Variants in GPC5 observed in about 807,000 individuals in gnomAD.
The protein encoded by GPC5 is glypican 5.
GPC5 carries 47 observed loss-of-function variants against 53.9 expected under a neutral mutation model. That is an observed-to-expected ratio of 0.87 (90% CI 0.69 to 1.11). The LOEUF is 1.11. Among genes scored for constraint, GPC5 ranks in the 50% most tolerant of loss-of-function variants. GPC5 has a pLI of 0.00. For missense variants in GPC5, 748 were observed against 713.1 expected (o/e 1.05, Z -0.56); for synonymous variants, 286 against 263.3 (o/e 1.09, Z -0.84).
At position 91,614,963 on chromosome 13, in the gene GPC5, A is replaced by T. The variant is rs1395887001; in HGVS notation, c.326-78224A>T. ...TGCAAATCCATCCTTCCATCTATTCATGTACTCAATGAGCCATCCATTCAT... is the reference window on the plus strand; with the variant it reads ...TGCAAATCCATCCTTCCATCTATTCTTGTACTCAATGAGCCATCCATTCAT... On this transcript the variant is annotated intron_variant, in intron 2 of 7. Coordinates refer to ENST00000377067, the MANE Select transcript of GPC5 (RefSeq NM_004466.6). Among the ~76,000 whole-genome samples, 3 of 152,122 alleles carry T rather than the reference A, an allele frequency of 2.0e-5. No individual in the cohort carries two copies. In the East Asian group the frequency reaches 5.8e-4, roughly 29 times the overall value.
At chr13:92,272,091 G>C (rs2042843633) in intron 7 of GPC5, among the ~76,000 whole-genome samples, 7 of 152,092 alleles carry the variant, frequency 4.6e-5, no homozygotes, top group Admixed American at 4.6e-4. Context: ...TGGCAGGGAT[G>C]GGCACCTGCA....
intron 7 of GPC5, among the ~76,000 whole-genome samples, chr13:92,312,436 G>A (rs2139211725): frequency 6.6e-6 from 1 of 152,156 alleles, no homozygotes; most frequent in African/African-American, 2.4e-5. Context: ...TCATAACAGT[G>A]GTTATGTCAA....
chr13:91,983,805 C>T (rs1037202988), intron 6 of GPC5, among the ~76,000 whole-genome samples: 3 of 152,164 alleles, frequency 2.0e-5, no homozygotes, highest in African/African-American at 7.2e-5. Flanking sequence ...ATTTCATATT[C>T]GTAATTGGAA....
chr13:92,076,463 T>A lies in GPC5; in HGVS notation c.1402-68367T>A, dbSNP rs560638045. Among the ~76,000 whole-genome samples, 195 of 152,316 alleles carry A rather than the reference T, an allele frequency of 1.3e-3. 1 individual carries two copies. Among genetic ancestry groups the A allele is most frequent in the African/African-American group, 4.4e-3 (181 of 41,566 alleles). On this transcript the variant is annotated intron_variant, in intron 6 of 7. Coordinates refer to ENST00000377067, the MANE Select transcript of GPC5 (RefSeq NM_004466.6). ...AATTTATTTTACATTAATTGCCAAA[T>A]ATCTGAATTCATGAGCCACAGGTTG... is the stretch of plus-strand genomic sequence containing the variant.
chr13:92,402,767 C>T (rs1438598062), intron 7 of GPC5, among the ~76,000 whole-genome samples: 1 of 152,192 alleles, frequency 6.6e-6, no homozygotes, highest in East Asian at 1.9e-4. Context: ...CTTGACAAAT[C>T]TGTAAGAATT....
chr13:91,954,760 T>C (rs930241211), intron 6 of GPC5, among the ~76,000 whole-genome samples: 1 of 151,944 alleles, frequency 6.6e-6, no homozygotes, highest in African/African-American at 2.4e-5. Flanking sequence ...AAGACTGATA[T>C]CTAAAAAACC....
chr13:92,529,751 C>T (rs2138985230), intron 7 of GPC5, among the ~76,000 whole-genome samples: 1 of 152,172 alleles, frequency 6.6e-6, no homozygotes. Context: ...ATGATCACAC[C>T]ATAGAACTAG....
chr13:92,460,787 AAAGT>A (rs1159313587), intron 7 of GPC5, among the ~76,000 whole-genome samples: 2 of 150,378 alleles, frequency 1.3e-5, no homozygotes, highest in African/African-American at 4.9e-5. Flanking sequence ...GAAATATGTT[AAAGT>A]ATGTGTGAAA....
chr13:91,399,534 T>C (rs1876767922), intron 1 of GPC5, among the ~76,000 whole-genome samples: 1 of 152,184 alleles, frequency 6.6e-6, no homozygotes, highest in South Asian at 2.1e-4. Context: ...TCTAACTCCG[T>C]TTCTCTTCCG....
At chr13:92,111,282 T>C (rs2041554629) in intron 6 of GPC5, among the ~76,000 whole-genome samples, 1 of 152,074 alleles carries the variant, frequency 6.6e-6, no homozygotes, top group Non-Finnish European at 1.5e-5. Flanking sequence ...TAGGAAAAAG[T>C]CAAAGGCAAA....
chr13:92,226,429 C>A (rs1404985554), intron 7 of GPC5, among the ~76,000 whole-genome samples: 3 of 152,048 alleles, frequency 2.0e-5, no homozygotes, highest in Non-Finnish European at 2.9e-5. Context: ...TAGTTATACA[C>A]CTACAACTTT....
At chr13:92,474,432 G>A (rs537383537) in intron 7 of GPC5, among the ~76,000 whole-genome samples, 12 of 152,016 alleles carry the variant, frequency 7.9e-5, no homozygotes, top group Middle Eastern at 3.4e-3. Flanking sequence ...GATACTGATC[G>A]GGAGGAGTCC....
chr13:91,458,954 C>T (rs1469633312), intron 2 of GPC5, among the ~76,000 whole-genome samples: 2 of 151,948 alleles, frequency 1.3e-5, no homozygotes, highest in Non-Finnish European at 2.9e-5. Flanking sequence ...TAAAGTAACT[C>T]AGGAATCAAA....
At chr13:92,549,698 G>A (rs1272682928) in intron 7 of GPC5, among the ~76,000 whole-genome samples, 2 of 151,982 alleles carry the variant, frequency 1.3e-5, no homozygotes, top group African/African-American at 4.8e-5. Context: ...CCCATTTACA[G>A]CAGAGGAGAA....
intron 2 of GPC5, among the ~76,000 whole-genome samples, chr13:91,474,235 T>A (rs1882798600): frequency 6.6e-6 from 1 of 152,176 alleles, no homozygotes; most frequent in Non-Finnish European, 1.5e-5. Context: ...TGCTTAGTCA[T>A]TATGTACATA....
chr13:92,276,031 G>C (rs555656009), intron 7 of GPC5, among the ~76,000 whole-genome samples: 1 of 152,168 alleles, frequency 6.6e-6, no homozygotes, highest in East Asian at 1.9e-4. Context: ...GCTTTTATCA[G>C]TTCATTTAGA....
At chr13:92,413,088 AT>A (rs1294187328) in intron 7 of GPC5, among the ~76,000 whole-genome samples, 6 of 152,142 alleles carry the variant, frequency 3.9e-5, no homozygotes, top group Admixed American at 3.9e-4. Context: ...AGGTTTTTCT[AT>A]TTCCATTTTA....
intron 6 of GPC5, among the ~76,000 whole-genome samples, chr13:92,017,187 T>A (rs2040715293): frequency 6.6e-6 from 1 of 152,086 alleles, no homozygotes; most frequent in Non-Finnish European, 1.5e-5. Context: ...ACACCAAGAG[T>A]GCTGAGGCTG....
At chr13:91,782,740 G>A (rs2037817673) in intron 5 of GPC5, among the ~76,000 whole-genome samples, 1 of 152,010 alleles carries the variant, frequency 6.6e-6, no homozygotes, top group Admixed American at 6.6e-5. Context: ...TATGAAATAG[G>A]TGTATTTTCC....
Sources: gnomAD v4.1 joint callset for allele counts (sites outside exome capture counted in the v4.1 genomes callset) on GRCh38, gnomAD v4.1.1 for gene constraint, MANE v1.5 for transcripts, NCBI Gene and HGNC (gene_info 2026-07-23, HGNC 2026-07-21) for gene names.